Variants in RALGAPA2 observed in about 807,000 individuals in gnomAD.
RALGAPA2 encodes Ral GTPase activating protein catalytic subunit alpha 2, also known as ral GTPase-activating protein subunit alpha-2.
Under a neutral mutation model 230.4 loss-of-function variants are expected in RALGAPA2, and 139 were observed. The observed-to-expected ratio is 0.60, with a 90% confidence interval of 0.53 to 0.69. The LOEUF (loss-of-function observed/expected upper bound fraction) is 0.69, where lower values mean the gene tolerates loss of function less well. RALGAPA2 is among the 30% of genes least tolerant of loss of function. The pLI, the probability that RALGAPA2 is intolerant of heterozygous loss-of-function variation, is 0.00. For synonymous variants in RALGAPA2, 847 were observed against 837.8 expected, an observed-to-expected ratio of 1.01 and a Z score of -0.19; for missense variants, 2,163 against 2,276.0, an observed-to-expected ratio of 0.95 and a Z score of 1.01.
chr20:20,490,198 C>A (rs2062014672), intron 36 of RALGAPA2, among the ~76,000 whole-genome samples: 1 of 152,150 alleles, frequency 6.6e-6, no homozygotes, highest in Admixed American at 6.5e-5. Flanking sequence ...CTTTCAAAAA[C>A]CGGACAAAAG....
chr20:20,451,186 G>C (rs954323077), intron 37 of RALGAPA2, among the ~76,000 whole-genome samples: 2 of 152,130 alleles, frequency 1.3e-5, no homozygotes, highest in African/African-American at 4.8e-5. Context: ...CTGGAATATA[G>C]AAAGTGAGGC....
At chr20:20,442,529 A>G (rs1004689811) in intron 37 of RALGAPA2, among the ~76,000 whole-genome samples, 5 of 152,284 alleles carry the variant, frequency 3.3e-5, no homozygotes, top group Non-Finnish European at 7.3e-5. Context: ...CTAATGAAAT[A>G]TCTAAAGCAT....
intron 16 of RALGAPA2, among the ~76,000 whole-genome samples, chr20:20,592,171 T>C (rs1356244334): frequency 1.3e-5 from 2 of 152,180 alleles, no homozygotes; most frequent in Non-Finnish European, 2.9e-5. Context: ...TCTTACCACC[T>C]TCATATTTAT....
At chr20:20,411,624 G>A (rs979179544) in intron 38 of RALGAPA2, among the ~76,000 whole-genome samples, 7 of 152,114 alleles carry the variant, frequency 4.6e-5, no homozygotes, top group Non-Finnish European at 8.8e-5. Flanking sequence ...TTCGAATCTC[G>A]GCAGCATAAT....
chr20:20,626,855 CAG>C (rs2066503780), intron 10 of RALGAPA2, among the ~76,000 whole-genome samples: 1 of 152,198 alleles, frequency 6.6e-6, no homozygotes, highest in Non-Finnish European at 1.5e-5. Context: ...GCTACCATAG[CAG>C]AGTTTAGCCC....
chr20:20,493,824 C>T (rs913324302), intron 36 of RALGAPA2, among the ~76,000 whole-genome samples: 10 of 152,116 alleles, frequency 6.6e-5, no homozygotes, highest in Admixed American at 2.0e-4. Flanking sequence ...GAAAACTTCA[C>T]GCACATGGAG....
chr20:20,663,729 T>C (rs980597469), intron 3 of RALGAPA2, among the ~76,000 whole-genome samples: 3 of 152,180 alleles, frequency 2.0e-5, no homozygotes, highest in South Asian at 4.1e-4. Flanking sequence ...GTAGCTGGGA[T>C]TACAGGAGCA....
At chr20:20,549,348 T>A (rs2063859244) in intron 23 of RALGAPA2, among the ~76,000 whole-genome samples, 1 of 152,104 alleles carries the variant, frequency 6.6e-6, no homozygotes, top group Non-Finnish European at 1.5e-5. Flanking sequence ...GTCACATGGC[T>A]CCCTCACCCC....
At chr20:20,685,552 T>C (rs2068671058) in intron 1 of RALGAPA2, among the ~76,000 whole-genome samples, 1 of 152,212 alleles carries the variant, frequency 6.6e-6, no homozygotes, top group East Asian at 1.9e-4. Flanking sequence ...CACAGCCTGT[T>C]GGGGACGTCA....
At chr20:20,443,528 G>A (rs2060788801) in intron 37 of RALGAPA2, among the ~76,000 whole-genome samples, 1 of 152,196 alleles carries the variant, frequency 6.6e-6, no homozygotes. Flanking sequence ...TGAAGCTGGT[G>A]CTATTTGTCT....
intron 37 of RALGAPA2, among the ~76,000 whole-genome samples, chr20:20,428,125 T>C (rs1042095558): frequency 1.3e-5 from 2 of 152,244 alleles, no homozygotes; most frequent in Admixed American, 1.3e-4. Context: ...TCTACTTTAC[T>C]CTTCAATGAA....
chr20:20,496,268 T>G (rs1356387042), intron 35 of RALGAPA2, among the ~76,000 whole-genome samples: 2 of 152,180 alleles, frequency 1.3e-5, no homozygotes, highest in Non-Finnish European at 2.9e-5. Context: ...GAGAGTTCTT[T>G]CAGGCCCAGG....
chr20:20,527,161 G>A (rs117831539), intron 27 of RALGAPA2, among the ~76,000 whole-genome samples: 215 of 152,238 alleles, frequency 1.4e-3, no homozygotes, highest in African/African-American at 1.2e-3. Flanking sequence ...AAGGTTCGTC[G>A]CTGACCCTAG....
At chr20:20,681,105 G>A (rs944169606) in intron 1 of RALGAPA2, among the ~76,000 whole-genome samples, 28 of 152,288 alleles carry the variant, frequency 1.8e-4, no homozygotes, top group Non-Finnish European at 3.7e-4. Context: ...GGCAGGTCTG[G>A]GGAGGGACAT....
chr20:20,627,690 G>A (rs2066533063), intron 10 of RALGAPA2, among the ~76,000 whole-genome samples: 1 of 152,254 alleles, frequency 6.6e-6, no homozygotes, highest in Non-Finnish European at 1.5e-5. Context: ...CCTTGAAGCT[G>A]TGCTCAGGTG....
At chr20:20,566,276 G>T (rs2064419152) in intron 23 of RALGAPA2, among the ~76,000 whole-genome samples, 1 of 152,194 alleles carries the variant, frequency 6.6e-6, no homozygotes, top group Non-Finnish European at 1.5e-5. Context: ...TCCTTGTACA[G>T]AGGCTCATTG....
At position 20,392,245 on chromosome 20, in the gene RALGAPA2, G is replaced by T. The variant is rs965126243; in HGVS notation, c.*1044C>A. On this transcript the variant is annotated 3_prime_UTR_variant, in exon 40 of 40. Transcript: ENST00000202677. ...AATAAGCCTTCCTTGGAGCCAAATG[G>T]GCAAAAATGTAAGGATTAAATCCCT... is the stretch of plus-strand genomic sequence containing the variant. 1 of 152,198 alleles carries T rather than the reference G, an allele frequency of 6.6e-6. No homozygotes were observed. The highest frequency in any genetic ancestry group is 1.5e-5 in the Non-Finnish European group (1 of 68,036). 9.4% of individuals were successfully genotyped at this position (152,198 alleles called of 1,614,324 possible).
rs925905717 is a variant in RALGAPA2 at position 20,619,333 on chromosome 20, A to G, written c.1483T>C (p.Cys495Arg). Residue 495 changes from cysteine (C) to arginine (R), a missense_variant, in exon 12 of 40, where the codon TGT becomes CGT. Cys to Arg is a radical substitution (Grantham distance 180). Transcript: ENST00000202677. ...TTTGTATTTTCCTCCTCTGTCACAC[A>G]CCCTCTGCTCATTGCACTTGTGAAG... is the stretch of plus-strand genomic sequence containing the variant. ...YSFTSAMSRGCVTEEENTNVK... is the reference protein window; with the variant it reads ...YSFTSAMSRGRVTEEENTNVK... The G allele has an allele frequency of 6.2e-7, 1 of 1,611,928 alleles. No individual in the cohort carries two copies. Among genetic ancestry groups the G allele is most frequent in the East Asian group, 2.2e-5 (1 of 44,828 alleles).
At chr20:20,491,488 C>T (rs765629262) in intron 36 of RALGAPA2, among the ~76,000 whole-genome samples, 7 of 152,266 alleles carry the variant, frequency 4.6e-5, no homozygotes, top group African/African-American at 1.4e-4. Context: ...AACTTACCTT[C>T]GCAAATTTCT....
Sources: allele counts gnomAD v4.1 joint callset (sites outside exome capture counted in the v4.1 genomes callset), GRCh38; gene constraint gnomAD v4.1.1; transcripts MANE v1.5; gene names NCBI Gene and HGNC (gene_info 2026-07-23, HGNC 2026-07-21).